TEAD1: variants seen among roughly 807,000 people sequenced by gnomAD.
TEAD1 encodes the protein transcriptional enhancer factor TEF-1.
Under a neutral mutation model 54.9 loss-of-function variants are expected in TEAD1, and 9 were observed. The ratio of observed to expected loss-of-function variants is 0.16; its 90% confidence interval spans 0.10 to 0.29. The LOEUF is 0.29. Ranked by LOEUF, TEAD1 falls within the 10% of genes least tolerant of loss-of-function variation. TEAD1 has a pLI of 1.00. For synonymous variants in TEAD1, 200 were observed against 187.8 expected (o/e 1.07, Z -0.53); for missense variants, 387 against 535.9 (o/e 0.72, Z 2.74).
At chr11:12,705,678 A>G (rs1943798334) in intron 2 of TEAD1, among the ~76,000 whole-genome samples, 1 of 152,234 alleles carries the variant, frequency 6.6e-6, no homozygotes, top group African/African-American at 2.4e-5. Context: ...TGTGTGTTGC[A>G]TATACAAACT....
chr11:12,858,387 A>G (rs1317767605), intron 3 of TEAD1, among the ~76,000 whole-genome samples: 1 of 152,212 alleles, frequency 6.6e-6, no homozygotes, highest in Admixed American at 6.5e-5. Context: ...CAAGTAATTA[A>G]AAGAAATAAT....
intron 3 of TEAD1, among the ~76,000 whole-genome samples, chr11:12,842,069 A>G (rs1450782958): frequency 3.4e-5 from 5 of 145,182 alleles, no homozygotes; most frequent in Non-Finnish European, 7.4e-5. Flanking sequence ...AGAGGAAAAA[A>G]ACAAAACAAA....
chr11:12,837,474 G>A (rs1946917183), intron 3 of TEAD1, among the ~76,000 whole-genome samples: 2 of 152,194 alleles, frequency 1.3e-5, no homozygotes, highest in Admixed American at 6.5e-5. Context: ...TAGAATACTG[G>A]GTGGATTAAA....
rs759611378 is a variant in TEAD1, at chr11:12,930,200, C to T, written c.1041C>T (p.Gly347=). The T allele has an allele frequency of 3.1e-6, 5 of 1,614,156 alleles. No homozygotes were observed. In the South Asian group the frequency reaches 5.5e-5, roughly 18 times the overall value. Residue 347 remains glycine (G), a synonymous_variant, in exon 12 of 13, where the codon GGC becomes GGT. Transcript: ENST00000527636. ...CGGAGTATGCAAGGTTTGAGAATGGCCGATTTGTATACCGAATAAACCGCT... is the reference window on the plus strand; with the variant it reads ...CGGAGTATGCAAGGTTTGAGAATGGTCGATTTGTATACCGAATAAACCGCT...
intron 2 of TEAD1, among the ~76,000 whole-genome samples, chr11:12,699,181 T>C (rs2133835738): frequency 6.6e-6 from 1 of 152,236 alleles, no homozygotes. Flanking sequence ...ATTTATTTTT[T>C]TTCATTGGTT....
chr11:12,828,791 C>CTT (rs1453801438), intron 3 of TEAD1, among the ~76,000 whole-genome samples: 1 of 109,560 alleles, frequency 9.1e-6, no homozygotes, highest in African/African-American at 3.2e-5. Flanking sequence ...TATTGATTTG[C>CTT]ATTTTTTTTT....
At chr11:12,680,276 C>T (rs925017901) in intron 2 of TEAD1, among the ~76,000 whole-genome samples, 5 of 152,194 alleles carry the variant, frequency 3.3e-5, no homozygotes, top group South Asian at 2.1e-4. Context: ...GAAGCCCAAG[C>T]GCCTAATCCT....
At chr11:12,882,365 A>G (rs1227143043) in intron 8 of TEAD1, among the ~76,000 whole-genome samples, 1 of 152,154 alleles carries the variant, frequency 6.6e-6, no homozygotes, top group East Asian at 1.9e-4. Context: ...AGGAGAGAGT[A>G]CATGGAAGCT....
At chr11:12,770,850 T>G (rs535572182) in intron 3 of TEAD1, among the ~76,000 whole-genome samples, 4 of 152,324 alleles carry the variant, frequency 2.6e-5, no homozygotes, top group Admixed American at 6.5e-5. Flanking sequence ...TGTTTGAGAA[T>G]GAAAGAGAGC....
intron 2 of TEAD1, among the ~76,000 whole-genome samples, chr11:12,756,522 A>C (rs529803670): frequency 6.6e-6 from 1 of 152,362 alleles, no homozygotes; most frequent in African/African-American, 2.4e-5. Context: ...ATGCAAAAGC[A>C]ATTAACCATT....
intron 3 of TEAD1, among the ~76,000 whole-genome samples, chr11:12,821,008 A>G (rs527684129): frequency 2.6e-5 from 4 of 152,266 alleles, no homozygotes; most frequent in East Asian, 1.9e-4. Context: ...GCCTGTCTGC[A>G]TGCTTGTTTA....
At chr11:12,822,928 A>G (rs1031793571) in intron 3 of TEAD1, among the ~76,000 whole-genome samples, 5 of 152,246 alleles carry the variant, frequency 3.3e-5, no homozygotes, top group Admixed American at 3.3e-4. Context: ...AAAATAAGTG[A>G]ACTTAAAAAG....
At chr11:12,872,230 C>T (rs1360873728) in intron 5 of TEAD1, among the ~76,000 whole-genome samples, 1 of 152,176 alleles carries the variant, frequency 6.6e-6, no homozygotes, top group African/African-American at 2.4e-5. Flanking sequence ...GGAAGGTAGA[C>T]GTACTTCACT....
At chr11:12,902,366 C>T (rs531935702) in intron 10 of TEAD1, among the ~76,000 whole-genome samples, 1 of 152,388 alleles carries the variant, frequency 6.6e-6, no homozygotes, top group South Asian at 2.1e-4. Context: ...CCTCTTTGGA[C>T]TTCACTTAAA....
At chr11:12,750,142 G>T (rs1311503063) in intron 2 of TEAD1, among the ~76,000 whole-genome samples, 1 of 152,194 alleles carries the variant, frequency 6.6e-6, no homozygotes, top group Non-Finnish European at 1.5e-5. Context: ...ATTAGCTCGT[G>T]TCGGCATTAG....
At chr11:12,783,963 A>G (rs375257964) in intron 3 of TEAD1, among the ~76,000 whole-genome samples, 3 of 152,128 alleles carry the variant, frequency 2.0e-5, no homozygotes, top group East Asian at 1.9e-4. Context: ...CCTTGTTTTT[A>G]GGATATTCAA....
In TEAD1 at chr11:12,723,364, G is replaced by A. The variant is rs1333651008; in HGVS notation, c.-54-40815G>A. Among the ~76,000 whole-genome samples the A allele has an allele frequency of 2.6e-5, 4 of 152,172 alleles. No homozygotes were observed. In the South Asian group the frequency reaches 6.2e-4, roughly 24 times the overall value. ...GTTTTCTTACAGTCAGGACCTAGCTGTGGTTGAGGTCAGATTTTCTGTGTA... is the reference window on the plus strand; with the variant it reads ...GTTTTCTTACAGTCAGGACCTAGCTATGGTTGAGGTCAGATTTTCTGTGTA... On this transcript the variant is annotated intron_variant, in intron 2 of 12. Transcript: ENST00000527636.
At chr11:12,700,673 T>C (rs1943682426) in intron 2 of TEAD1, among the ~76,000 whole-genome samples, 1 of 152,226 alleles carries the variant, frequency 6.6e-6, no homozygotes, top group Non-Finnish European at 1.5e-5. Context: ...CACCGTGGTA[T>C]GAGAAGTGTG....
intron 2 of TEAD1, among the ~76,000 whole-genome samples, chr11:12,752,266 T>C (rs1470807548): frequency 6.6e-6 from 1 of 151,428 alleles, no homozygotes; most frequent in Non-Finnish European, 1.5e-5. Context: ...ATAATTTTTA[T>C]TGAAGTCCAA....
Sources: allele counts gnomAD v4.1 joint callset (sites outside exome capture counted in the v4.1 genomes callset), GRCh38; gene constraint gnomAD v4.1.1; transcripts MANE v1.5; gene names NCBI Gene and HGNC (gene_info 2026-07-23, HGNC 2026-07-21).